PCDH9: variants seen among roughly 807,000 people sequenced by gnomAD.
PCDH9 encodes protocadherin-9.
A neutral mutation model predicts 70.6 loss-of-function variants in PCDH9; 24 were observed. That is an observed-to-expected ratio of 0.34 (90% CI 0.25 to 0.48). The LOEUF (loss-of-function observed/expected upper bound fraction) is 0.48, where lower values mean the gene tolerates loss of function less well. Ranked by LOEUF, PCDH9 falls within the 20% of genes least tolerant of loss-of-function variation. PCDH9 has a pLI of 0.99. For synonymous variants in PCDH9, 562 were observed against 558.5 expected (o/e 1.01, Z -0.09); for missense variants, 1,281 against 1,503.6 (o/e 0.85, Z 2.45).
chr13:67,131,207 T>A (rs2087104673), intron 2 of PCDH9, among the ~76,000 whole-genome samples: 1 of 152,190 alleles, frequency 6.6e-6, no homozygotes, highest in South Asian at 2.1e-4. Flanking sequence ...TATTTTAAAC[T>A]ATAATTGGAC....
chr13:66,710,070 C>T (rs1400131161), intron 3 of PCDH9, among the ~76,000 whole-genome samples: 1 of 151,964 alleles, frequency 6.6e-6, no homozygotes, highest in Non-Finnish European at 1.5e-5. Flanking sequence ...GAGAAGTTTA[C>T]AAAAAGGAAT....
intron 4 of PCDH9, among the ~76,000 whole-genome samples, chr13:66,483,958 C>T (rs1217343680): frequency 1.3e-5 from 2 of 152,052 alleles, no homozygotes; most frequent in East Asian, 3.9e-4. Context: ...GGAGCACCCC[C>T]ACATGCCTGC....
intron 3 of PCDH9, among the ~76,000 whole-genome samples, chr13:66,882,504 G>A (rs1040974475): frequency 2.0e-5 from 3 of 151,514 alleles, no homozygotes; most frequent in African/African-American, 4.9e-5. Context: ...TTGCCTTCTT[G>A]TTCCTGTACT....
At chr13:66,849,505 T>TAGAGAG (rs1394148629) in intron 3 of PCDH9, among the ~76,000 whole-genome samples, 383 of 91,502 alleles carry the variant, frequency 4.2e-3, no homozygotes, top group Admixed American at 7.6e-3. Flanking sequence ...TATATATATA[T>TAGAGAG]ATATATATAT....
chr13:67,224,155 T>C (rs2089793666), intron 2 of PCDH9: 1 of 152,236 alleles, frequency 6.6e-6, no homozygotes. Flanking sequence ...AATCTATGTG[T>C]TCCTTATTTA....
intron 2 of PCDH9, among the ~76,000 whole-genome samples, chr13:67,131,578 A>G (rs2087112468): frequency 1.3e-5 from 2 of 152,214 alleles, no homozygotes; most frequent in Admixed American, 6.5e-5. Flanking sequence ...TAAAAATAGC[A>G]TAATCAGCAT....
chr13:66,563,426 T>C (rs1362712156), intron 4 of PCDH9, among the ~76,000 whole-genome samples: 1 of 152,132 alleles, frequency 6.6e-6, no homozygotes. Flanking sequence ...CCACCCTACA[T>C]ACAAATCCAC....
At chr13:66,603,343 T>C (rs74093384) in intron 4 of PCDH9, among the ~76,000 whole-genome samples, 5,927 of 152,120 alleles carry the variant, frequency 0.039, 358 homozygotes, top group African/African-American at 0.13. Flanking sequence ...ACATTTTTAT[T>C]TAAAATTAGT....
chr13:66,539,030 T>C (rs4516088), intron 4 of PCDH9, among the ~76,000 whole-genome samples: 35,854 of 151,996 alleles, frequency 0.24, 4,702 homozygotes, highest in South Asian at 0.34. Context: ...CTCATGATTC[T>C]AAAACCATTG....
intron 2 of PCDH9, among the ~76,000 whole-genome samples, chr13:67,141,309 C>T (rs1026050638): frequency 1.1e-4 from 16 of 151,968 alleles, no homozygotes; most frequent in African/African-American, 3.4e-4. Flanking sequence ...GAAATGGGGC[C>T]GAGTGTGGTG....
At chr13:66,597,790 G>A (rs996213001) in intron 4 of PCDH9, among the ~76,000 whole-genome samples, 28 of 151,746 alleles carry the variant, frequency 1.8e-4, no homozygotes, top group Admixed American at 1.5e-3. Flanking sequence ...AGAGACAGAA[G>A]CCAACCTATG....
chr13:66,316,845 C>T (rs1420253693), intron 4 of PCDH9, among the ~76,000 whole-genome samples: 1 of 152,136 alleles, frequency 6.6e-6, no homozygotes, highest in Non-Finnish European at 1.5e-5. Context: ...GCCTCAGCCT[C>T]CCAAGTAGCT....
chr13:67,134,583 G>A (rs2087185348), intron 2 of PCDH9, among the ~76,000 whole-genome samples: 1 of 151,976 alleles, frequency 6.6e-6, no homozygotes, highest in Non-Finnish European at 1.5e-5. Context: ...TCATTTAAAA[G>A]CTTGTTTTTC....
At chr13:66,631,560 A>G in intron 3 of PCDH9, 149 bp from the exon 4 acceptor site, 1 of 590,854 alleles carries the variant, frequency 1.7e-6, no homozygotes, top group Non-Finnish European at 3.0e-6. Context: ...ACAAGTATTA[A>G]TTACTTGCCA....
intron 3 of PCDH9, among the ~76,000 whole-genome samples, chr13:66,860,723 C>T (rs1225518843): frequency 2.6e-5 from 4 of 152,166 alleles, no homozygotes; most frequent in Non-Finnish European, 2.9e-5. Context: ...TGTCTTCTTC[C>T]TGCTAAGTAC....
At chr13:66,490,165 G>A (rs940662014) in intron 4 of PCDH9, among the ~76,000 whole-genome samples, 6 of 152,040 alleles carry the variant, frequency 3.9e-5, no homozygotes, top group African/African-American at 7.2e-5. Flanking sequence ...CTGACTTCTC[G>A]AGGAGAATAT....
intron 4 of PCDH9, among the ~76,000 whole-genome samples, chr13:66,628,203 C>G (rs577185267): frequency 1.3e-5 from 2 of 152,310 alleles, no homozygotes; most frequent in South Asian, 4.1e-4. Flanking sequence ...CATCAACAAC[C>G]TGCTACTTTT....
intron 2 of PCDH9, chr13:67,214,939 T>TATAC (rs1555321201): frequency 9.5e-5 from 5 of 52,670 alleles, no homozygotes; most frequent in South Asian, 1.0e-3. Flanking sequence ...GAGCCAGATA[T>TATAC]ATATATATAT....
At chr13:66,415,857 T>C (rs1957451017) in intron 4 of PCDH9, among the ~76,000 whole-genome samples, 1 of 152,136 alleles carries the variant, frequency 6.6e-6, no homozygotes, top group Admixed American at 6.6e-5. Context: ...TATATTAATG[T>C]ACTAGGAGGT....
Sources: gnomAD v4.1 joint callset for allele counts (sites outside exome capture counted in the v4.1 genomes callset) on GRCh38, gnomAD v4.1.1 for gene constraint, MANE v1.5 for transcripts, NCBI Gene and HGNC (gene_info 2026-07-23, HGNC 2026-07-21) for gene names.